Variants in RADX observed in about 807,000 individuals in gnomAD.
The protein encoded by RADX is RPA1 related single stranded DNA binding protein, X-linked.
Under a neutral mutation model 61.6 loss-of-function variants are expected in RADX, and 36 were observed. That is an observed-to-expected ratio of 0.58 (90% CI 0.45 to 0.77). RADX has a LOEUF of 0.77. Among genes scored for constraint, RADX ranks in the 30% least tolerant of loss-of-function variants. The probability of loss-of-function intolerance (pLI) is 0.00; values close to 1 mark genes in which losing one functional copy is unlikely to be tolerated. For missense variants in RADX, 497 were observed against 651.1 expected (o/e 0.76, Z 2.58); for synonymous variants, 272 against 237.9 (o/e 1.14, Z -1.32).
intron 3 of RADX, 58 bp downstream of exon 3, chrX:106,625,340 T>A: frequency 1.2e-6 from 1 of 827,937 alleles, no homozygotes; most frequent in Admixed American, 3.6e-5. Flanking sequence ...AAATTTGCAA[T>A]GTACCATATT....
At chrX:106,668,930 T>C (rs1287444814) in intron 12 of RADX, among the ~76,000 whole-genome samples, 3 of 112,254 alleles carry the variant, frequency 2.7e-5, no homozygotes, top group Non-Finnish European at 5.6e-5. Context: ...GGGAAACCTT[T>C]TGAACTGTTA....
chrX:106,643,571 A>G (rs1051958863), intron 10 of RADX, among the ~76,000 whole-genome samples: 2 of 111,382 alleles, frequency 1.8e-5, no homozygotes, highest in African/African-American at 6.5e-5. Context: ...TCCCAGCACC[A>G]TTTATTGGAA....
chrX:106,620,502 G>A (rs190176604), intron 1 of RADX, among the ~76,000 whole-genome samples: 14 of 109,792 alleles, frequency 1.3e-4, no homozygotes, highest in African/African-American at 3.3e-4. Context: ...GTGAAACCCC[G>A]TCTCTACTAA....
At chrX:106,643,534 A>G (rs1252680435) in intron 10 of RADX, among the ~76,000 whole-genome samples, 1 of 111,392 alleles carries the variant, frequency 9.0e-6, no homozygotes, top group Non-Finnish European at 1.9e-5. Flanking sequence ...GTATAGTTTC[A>G]TTCTTCTGAA....
chrX:106,614,569 A>G (rs1363300146), intron 1 of RADX, among the ~76,000 whole-genome samples: 1 of 112,036 alleles, frequency 8.9e-6, no homozygotes, highest in Non-Finnish European at 1.9e-5. Context: ...TAATTTTTTT[A>G]ATTTTGTGGA....
At chrX:106,628,644 AT>A (rs35521933) in intron 3 of RADX, among the ~76,000 whole-genome samples, 4,526 of 98,182 alleles carry the variant, frequency 0.046, 238 homozygotes, top group African/African-American at 0.14. Context: ...TAATATGTGA[AT>A]TTTTTTTTTT....
At chrX:106,646,296 C>T (rs1478045393) in intron 10 of RADX, among the ~76,000 whole-genome samples, 1 of 110,422 alleles carries the variant, frequency 9.1e-6, no homozygotes, top group Non-Finnish European at 1.9e-5. Context: ...ACCTATTTTG[C>T]ATATGAGAAG....
At chrX:106,636,423 A>G (rs1036511379) in intron 6 of RADX, 120 bp from the exon 7 acceptor site, 7 of 454,797 alleles carry the variant, frequency 1.5e-5, no homozygotes, top group Non-Finnish European at 2.7e-5. Flanking sequence ...TTGCATTTTA[A>G]CATTGGTACC....
rs370620315 is a variant in RADX, at chrX:106,643,532, T to G, written c.1904+2811T>G. 2.3e-4 allele frequency among the ~76,000 whole-genome samples: 26 copies of G among 111,553 alleles called. No homozygotes were observed. The East Asian group carries it at 6.8e-3, about 29-fold the overall frequency. Reference sequence around the variant, plus strand: ...TATGGCAAGAGATAGGGGTATAGTTTCATTCTTCTGAATATGGATATCCAG... The same window carrying G: ...TATGGCAAGAGATAGGGGTATAGTTGCATTCTTCTGAATATGGATATCCAG... On this transcript the variant is annotated intron_variant, in intron 10 of 13. Coordinates refer to ENST00000372548, the MANE Select transcript of RADX (RefSeq NM_018015.6).
chrX:106,655,449 G>A (rs958325248), intron 11 of RADX, among the ~76,000 whole-genome samples: 7 of 108,395 alleles, frequency 6.5e-5, no homozygotes, highest in African/African-American at 2.0e-4. Context: ...CCATTAACTC[G>A]TCATTTACAT....
intron 13 of RADX, among the ~76,000 whole-genome samples, chrX:106,669,815 C>T (rs945912468): frequency 8.9e-6 from 1 of 111,945 alleles, no homozygotes; most frequent in Admixed American, 9.5e-5. Flanking sequence ...TAGTGAAACT[C>T]TTCAACCAGC....
intron 13 of RADX, 27 bp downstream of exon 13, chrX:106,669,357 CT>C: frequency 9.4e-7 from 1 of 1,060,730 alleles, no homozygotes; most frequent in Non-Finnish European, 1.3e-6. Flanking sequence ...GTTCTTTTCA[CT>C]CAGAAAAAAA....
intron 2 of RADX, among the ~76,000 whole-genome samples, chrX:106,624,536 A>G (rs937326798): frequency 3.6e-5 from 4 of 111,643 alleles, no homozygotes; most frequent in Admixed American, 2.9e-4. Flanking sequence ...TACTAATTGT[A>G]CTTACCTTAC....
In RADX at chrX:106,648,380, T is replaced by G; in HGVS notation, c.1972T>G (p.Phe658Val). ...AATTAAACCGGGCATGCCAAGCATC[T>G]TCAACCGTATGTTACTATTTGTTAT... ...KGIKPGMPSIFNRRANINANL... is the reference protein window; with the variant it reads ...KGIKPGMPSIVNRRANINANL... Residue 658 changes from phenylalanine to valine, a missense_variant, in exon 11 of 14, where the codon TTC becomes GTC. Phe to Val is a conservative substitution (Grantham distance 50). This residue lies in a region of RADX where 267 missense variants were observed against 306.9 expected (regional missense o/e 0.87). Transcript: ENST00000372548. 2.6e-6 allele frequency: 3 copies of G among 1,164,144 alleles called. No individual in the cohort carries two copies. Among genetic ancestry groups the G allele is most frequent in the Non-Finnish European group, 3.5e-6 (3 of 854,111 alleles).
intron 1 of RADX, among the ~76,000 whole-genome samples, chrX:106,621,728 A>G (rs1001042314): frequency 9.0e-6 from 1 of 110,523 alleles, no homozygotes; most frequent in African/African-American, 3.3e-5. Context: ...GGTTAGGGAT[A>G]ATATCACTGA....
chrX:106,666,423 C>G (rs1928230339), intron 12 of RADX, among the ~76,000 whole-genome samples: 1 of 111,825 alleles, frequency 8.9e-6, no homozygotes, highest in South Asian at 3.7e-4. Context: ...CCAATAATAG[C>G]ATTAATTGGT....
intron 11 of RADX, among the ~76,000 whole-genome samples, chrX:106,657,459 A>G (rs111788394): frequency 3.8e-4 from 43 of 112,051 alleles, no homozygotes; most frequent in African/African-American, 1.3e-3. Context: ...GAACTTTTAC[A>G]TTGCACTCTC....
At chrX:106,664,698 C>T (rs1447264235) in intron 12 of RADX, among the ~76,000 whole-genome samples, 1 of 109,379 alleles carries the variant, frequency 9.1e-6, no homozygotes, top group Non-Finnish European at 1.9e-5. Context: ...CAGTGATTCT[C>T]ATACAGTCTC....
intron 1 of RADX, among the ~76,000 whole-genome samples, chrX:106,615,233 C>T (rs924669294): frequency 2.7e-5 from 3 of 112,137 alleles, no homozygotes; most frequent in Non-Finnish European, 1.9e-5. Context: ...TCTGTCACAA[C>T]CATTCACTTT....
Sources: gnomAD v4.1 joint callset for allele counts (sites outside exome capture counted in the v4.1 genomes callset) on GRCh38, gnomAD v4.1.1 for gene constraint, gnomAD v4.1.1 regional missense constraint, MANE v1.5 for transcripts, NCBI Gene and HGNC (gene_info 2026-07-23, HGNC 2026-07-21) for gene names.